Variants in ZMYM4 observed in about 807,000 individuals in gnomAD.
ZMYM4 encodes the protein zinc finger MYM-type protein 4.
A neutral mutation model predicts 183.2 loss-of-function variants in ZMYM4; 31 were observed. That is an observed-to-expected ratio of 0.17 (90% confidence interval 0.13 to 0.23). The LOEUF is 0.23. Ranked by LOEUF, ZMYM4 falls within the 10% of genes least tolerant of loss-of-function variation. The pLI is 1.00. For synonymous variants in ZMYM4, 592 were observed against 631.2 expected (o/e 0.94, Z 0.93); for missense variants, 1,273 against 1,840.3 (o/e 0.69, Z 5.64).
At chr1:35,270,918 G>T (rs761891533) in intron 1 of ZMYM4, among the ~76,000 whole-genome samples, 1 of 152,088 alleles carries the variant, frequency 6.6e-6, no homozygotes, top group Admixed American at 6.5e-5. Flanking sequence ...CCATTGATAA[G>T]TTTACGAAAT....
intron 9 of ZMYM4, among the ~76,000 whole-genome samples, chr1:35,383,595 C>T (rs116717539): frequency 0.025 from 3,729 of 151,930 alleles, 62 homozygotes; most frequent in Non-Finnish European, 0.035. Flanking sequence ...TTGTCATTTT[C>T]CAAAAGACTG....
chr1:35,398,301 C>A (rs1644843976), intron 20 of ZMYM4, 112 bp from the exon 21 acceptor site: 1 of 865,950 alleles, frequency 1.2e-6, no homozygotes, highest in African/African-American at 1.7e-5. Flanking sequence ...CATATGAAAT[C>A]TATTTACTTA....
At chr1:35,382,133 G>T (rs1644471363) in intron 9 of ZMYM4, among the ~76,000 whole-genome samples, 1 of 138,714 alleles carries the variant, frequency 7.2e-6, no homozygotes, top group Non-Finnish European at 1.5e-5. Flanking sequence ...CAACAAGAGT[G>T]AAACTCCGTC....
At chr1:35,346,617 C>G (rs1643399507) in intron 2 of ZMYM4, among the ~76,000 whole-genome samples, 1 of 133,996 alleles carries the variant, frequency 7.5e-6, no homozygotes, top group Non-Finnish European at 1.5e-5. Context: ...TGCCACTGTA[C>G]TCCAGCCTGG....
In ZMYM4 at chr1:35,418,455, T is replaced by C. The variant is rs1640209355; in HGVS notation, c.4322T>C (p.Val1441Ala). 1 of 1,613,790 alleles carries C rather than the reference T, an allele frequency of 6.2e-7. No individual in the cohort carries two copies. The highest frequency in any genetic ancestry group is 8.5e-7 in the Non-Finnish European group (1 of 1,179,946). Reference protein sequence around the residue: ...KQESEPDKLTVGKRKRNEDDE... With the variant: ...KQESEPDKLTAGKRKRNEDDE... The stretch of plus-strand genomic sequence containing the variant: ...TTCCTGTCTCAAGATAAACTGACTG[T>C]TGGCAAGAGGAAACGAAATGAAGAT... Residue 1441 changes from valine (V) to alanine (A), a missense_variant, in exon 29 of 30, where the codon GTT (valine) becomes GCT (alanine). Physicochemically the swap from Val to Ala is moderately conservative, Grantham distance 64. Transcript: ENST00000314607.
Position 35,389,180 on chromosome 1 carries a change from A to G in ZMYM4, c.2436+98A>G. 2 of 1,242,082 alleles carry G rather than the reference A, an allele frequency of 1.6e-6. No individual in the cohort carries two copies. Among genetic ancestry groups the G allele is most frequent in the Admixed American group, 2.5e-5 (1 of 39,582 alleles). 76.9% of individuals were successfully genotyped at this position (1,242,082 alleles called of 1,614,324 possible). ...ATAAAGGACAATTTAATTATTTAAA[A>G]CTTTTAAGTATTAAATGTTTTATGC... On this transcript the variant is annotated intron_variant, in intron 14 of 29. Transcript: ENST00000314607. This position sits in a 1 kb window ranked among gnomAD's most constrained non-coding sequence, Gnocchi z 4.0.
intron 1 of ZMYM4, among the ~76,000 whole-genome samples, chr1:35,311,710 G>T (rs1186076716): frequency 1.3e-5 from 2 of 152,022 alleles, no homozygotes; most frequent in Non-Finnish European, 1.5e-5. Context: ...TGAAAACCGT[G>T]TAATATTTTT....
chr1:35,330,972 T>C (rs1328230275), intron 2 of ZMYM4, among the ~76,000 whole-genome samples: 2 of 152,240 alleles, frequency 1.3e-5, no homozygotes, highest in Non-Finnish European at 2.9e-5. Flanking sequence ...TTGTGGCTGC[T>C]TGTGGAGCAT....
intron 23 of ZMYM4, chr1:35,400,374 A>G (rs1644885625): frequency 1.3e-5 from 2 of 149,950 alleles, no homozygotes; most frequent in Admixed American, 1.3e-4. Context: ...GCTAATTTTT[A>G]TTGGTATTTT....
At chr1:35,352,386 G>GCGCGCGCACACACACA (rs1231646476) in intron 2 of ZMYM4, among the ~76,000 whole-genome samples, 2 of 128,394 alleles carry the variant, frequency 1.6e-5, no homozygotes, top group South Asian at 2.5e-4. Context: ...AAAAATTAGC[G>GCGCGCGCACACACACA]CACACACACA....
At chr1:35,391,327 T>C (rs988742110) in intron 15 of ZMYM4, among the ~76,000 whole-genome samples, 1 of 152,162 alleles carries the variant, frequency 6.6e-6, no homozygotes, top group African/African-American at 2.4e-5. Flanking sequence ...TAATTACTCA[T>C]TGTTCTCCCC....
chr1:35,284,137 C>T (rs1043670849), intron 1 of ZMYM4, among the ~76,000 whole-genome samples: 12 of 151,834 alleles, frequency 7.9e-5, no homozygotes, highest in South Asian at 6.2e-4. Context: ...CCACCGCGCC[C>T]TGCTAATTTT....
intron 2 of ZMYM4, among the ~76,000 whole-genome samples, chr1:35,339,049 G>T (rs910034871): frequency 1.3e-5 from 2 of 152,112 alleles, no homozygotes; most frequent in African/African-American, 4.8e-5. Flanking sequence ...AGATCAGGAA[G>T]AGCAATTACA....
chr1:35,374,751 G>A (rs970848803), intron 7 of ZMYM4, among the ~76,000 whole-genome samples: 9 of 151,032 alleles, frequency 6.0e-5, no homozygotes, highest in African/African-American at 9.7e-5. Context: ...TGGAAAACAC[G>A]TAAGTTTTAA....
At chr1:35,311,098 C>A (rs1471441567) in intron 1 of ZMYM4, among the ~76,000 whole-genome samples, 1 of 152,006 alleles carries the variant, frequency 6.6e-6, no homozygotes, top group Non-Finnish European at 1.5e-5. Flanking sequence ...TGTTATCTGT[C>A]GCTATAGTTT....
At chr1:35,299,324 A>C (rs1057291298) in intron 1 of ZMYM4, among the ~76,000 whole-genome samples, 1 of 152,202 alleles carries the variant, frequency 6.6e-6, no homozygotes, top group Non-Finnish European at 1.5e-5. Flanking sequence ...GAATTGGACA[A>C]AACACACAAA....
chr1:35,399,077 TTTA>T, intron 22 of ZMYM4, 34 bp downstream of exon 22: 1 of 1,604,710 alleles, frequency 6.2e-7, no homozygotes, highest in Non-Finnish European at 8.5e-7. Flanking sequence ...CTGAAAGCTT[TTTA>T]TTTTAAAAGA....
chr1:35,326,301 A>C (rs1253628553), intron 2 of ZMYM4, among the ~76,000 whole-genome samples: 1 of 152,224 alleles, frequency 6.6e-6, no homozygotes, highest in Non-Finnish European at 1.5e-5. Flanking sequence ...ATACATGCAT[A>C]CAAGAAAGAT....
At chr1:35,274,682 G>A (rs1048525050) in intron 1 of ZMYM4, among the ~76,000 whole-genome samples, 2 of 150,010 alleles carry the variant, frequency 1.3e-5, no homozygotes, top group African/African-American at 2.5e-5. Context: ...GTTTTCACAC[G>A]CTGGTTCTTC....
Sources: gnomAD v4.1 joint callset for allele counts (sites outside exome capture counted in the v4.1 genomes callset) on GRCh38, gnomAD v4.1.1 for gene constraint, Gnocchi (gnomAD v3.1) non-coding constraint, MANE v1.5 for transcripts, NCBI Gene and HGNC (gene_info 2026-07-23, HGNC 2026-07-21) for gene names.